LMOD3: variants seen among roughly 807,000 people sequenced by gnomAD.
LMOD3 encodes the protein leiomodin 3, also known as leiomodin-3.
A neutral mutation model predicts 41.8 loss-of-function variants in LMOD3; 31 were observed. The ratio of observed to expected loss-of-function variants is 0.74; its 90% CI spans 0.56 to 1.00. LMOD3 has a LOEUF of 1.00. Ranked by LOEUF, LMOD3 falls within the 50% of genes least tolerant of loss-of-function variation. The pLI is 0.00. For synonymous variants in LMOD3, 292 were observed against 241.9 expected, an observed-to-expected ratio of 1.21 and a Z score of -1.92; for missense variants, 755 against 679.5, an observed-to-expected ratio of 1.11 and a Z score of -1.23.
intron 1 of LMOD3, among the ~76,000 whole-genome samples, chr3:69,121,232 C>T (rs897652412): frequency 2.0e-5 from 3 of 152,222 alleles, no homozygotes; most frequent in African/African-American, 7.2e-5. Context: ...TGAACTCTAA[C>T]CTGATCAATC....
chr3:69,115,608 T>C (rs2092368647), intron 2 of LMOD3, among the ~76,000 whole-genome samples: 1 of 152,150 alleles, frequency 6.6e-6, no homozygotes, highest in Non-Finnish European at 1.5e-5. Flanking sequence ...GTTTCAAAAC[T>C]GTGTTTTAAT....
Position 69,114,912 on chromosome 3 carries a change from C to CTG in LMOD3, c.1656+3785_1656+3786dup, listed in dbSNP as rs527447910. 2.9e-4 allele frequency among the ~76,000 whole-genome samples: 44 copies of CTG among 152,344 alleles called. No homozygotes were observed. The South Asian group carries it at 8.5e-3, about 29-fold the overall frequency. On this transcript the variant is annotated intron_variant, in intron 2 of 2. Coordinates refer to ENST00000420581, the MANE Select transcript of LMOD3 (RefSeq NM_198271.5). ...ACAGGGTCTCACTCTGTTGCCCAGG[C>CTG]TGTAGTGCAGTGGCACAAACATGGC...
rs1407963964 is a variant in LMOD3 at position 69,106,684 on chromosome 3, C to T, written c.*2411G>A. Among the ~76,000 whole-genome samples, 2 of 149,330 alleles carry T rather than the reference C, an allele frequency of 1.3e-5. No individual in the cohort carries two copies. Among genetic ancestry groups the T allele is most frequent in the Non-Finnish European group, 3.0e-5 (2 of 67,648 alleles). ...GGCTATACAAACAAATGCATAGGGG[C>T]TTTCTAGAATTTTTTTTTTTTTTTT... On this transcript the variant is annotated 3_prime_UTR_variant, in exon 3 of 3. Coordinates refer to ENST00000420581, the MANE Select transcript of LMOD3 (RefSeq NM_198271.5).
chr3:69,107,453 G>GTTTGTTTTTTTTTT lies in LMOD3; in HGVS notation c.*1641_*1642insAAAAAAAAAACAAA, dbSNP rs2092327737. On this transcript the variant is annotated 3_prime_UTR_variant, in exon 3 of 3. Transcript: ENST00000420581. Reference sequence around the variant, plus strand: ...AAAGAAGAGAGAAAAGGCACCAAAGGTTTTTTTTTTTTTTTTTTTTTTTTT... The same window carrying GTTTGTTTTTTTTTT: ...AAAGAAGAGAGAAAAGGCACCAAAGGTTTGTTTTTTTTTTTTTTTTTTTTTTTTTTTTTTTTTTT... 1 of 37,356 alleles carries GTTTGTTTTTTTTTT rather than the reference G, an allele frequency of 2.7e-5. No homozygotes were observed. The highest frequency in any genetic ancestry group is 5.6e-5 in the Non-Finnish European group (1 of 17,720). 2.3% of individuals were successfully genotyped at this position (37,356 alleles called of 1,614,324 possible). A position where few individuals can be genotyped will look rare whatever the true frequency, so the allele number is the denominator to read the frequency against.
intron 2 of LMOD3, among the ~76,000 whole-genome samples, chr3:69,115,934 G>A (rs562188821): frequency 6.6e-6 from 1 of 152,212 alleles, no homozygotes; most frequent in East Asian, 1.9e-4. Context: ...CCTCCATTGA[G>A]TCATGTGCCC....
At position 69,118,872 on chromosome 3, in the gene LMOD3, G is replaced by A. The variant is rs749726841; in HGVS notation, c.1483C>T (p.Arg495Cys). Residue 495 changes from arginine (R) to cysteine (C), a missense_variant, in exon 2 of 3, where the codon CGC becomes TGC. Coordinates refer to ENST00000420581, the MANE Select transcript of LMOD3 (RefSeq NM_198271.5). ...CTGGCTTCCGGCATCCGAGATTTGCGCTGGATTCTCTTCAGCTTCACCACC... is the reference window on the plus strand; with the variant it reads ...CTGGCTTCCGGCATCCGAGATTTGCACTGGATTCTCTTCAGCTTCACCACC... ...FRVVKLKRIQ[R>C]KSRMPEAREP... The A allele has an allele frequency of 6.2e-6, 10 of 1,610,788 alleles. No homozygotes were observed. The highest frequency in any genetic ancestry group is 1.6e-4 in the Middle Eastern group (1 of 6,078).
In LMOD3 at chr3:69,108,141, G is replaced by A. The variant is rs1337252723; in HGVS notation, c.*954C>T. The A allele has an allele frequency of 7.1e-6, 1 of 141,810 alleles. No individual in the cohort carries two copies. The highest frequency in any genetic ancestry group is 2.7e-5 in the African/African-American group (1 of 36,964). The allele number at this position is 141,810 out of a possible 1,614,324, so 8.8% of individuals were successfully genotyped here. ...TGGAGTGCCTTAAAGAATAGGATAA[G>A]TAGTTCAAGTTTAATCCTTCCTGTA... On this transcript the variant is annotated 3_prime_UTR_variant, in exon 3 of 3. Coordinates refer to ENST00000420581, the MANE Select transcript of LMOD3 (RefSeq NM_198271.5).
chr3:69,107,502 A>G lies in LMOD3; in HGVS notation c.*1593T>C. 1.8e-5 allele frequency: 1 copy of G among 55,352 alleles called. No individual in the cohort carries two copies. Among genetic ancestry groups the G allele is most frequent in the South Asian group, 6.5e-4 (1 of 1,542 alleles). The allele number at this position is 55,352 out of a possible 1,614,324, so 3.4% of individuals were successfully genotyped here. On this transcript the variant is annotated 3_prime_UTR_variant, in exon 3 of 3. Coordinates refer to ENST00000420581, the MANE Select transcript of LMOD3 (RefSeq NM_198271.5). ...TTTTTTTTTTTTTTTTTTGAGATGG[A>G]GTATCACTCTGTCACCCAGGCTGGA...
intron 2 of LMOD3, among the ~76,000 whole-genome samples, chr3:69,110,853 A>AAAAAAAAAAAAAATATAT (rs1458630453): frequency 9.6e-6 from 1 of 104,168 alleles, no homozygotes; most frequent in African/African-American, 4.8e-5. Context: ...AAAAAAAAAA[A>AAAAAAAAAAAAAATATAT]ATATATATAT....
At chr3:69,114,205 T>C (rs150450587) in intron 2 of LMOD3, among the ~76,000 whole-genome samples, 465 of 152,288 alleles carry the variant, frequency 3.1e-3, no homozygotes, top group African/African-American at 0.011. Context: ...AGATCTGATG[T>C]TCCAAGTGGT....
chr3:69,115,049 G>C (rs760003592), intron 2 of LMOD3, among the ~76,000 whole-genome samples: 1 of 152,036 alleles, frequency 6.6e-6, no homozygotes, highest in Non-Finnish European at 1.5e-5. Flanking sequence ...AAAATGTTTT[G>C]TAGAAACAGG....
chr3:69,113,940 G>C (rs1449197611), intron 2 of LMOD3, among the ~76,000 whole-genome samples: 1 of 152,122 alleles, frequency 6.6e-6, no homozygotes, highest in African/African-American at 2.4e-5. Flanking sequence ...TTAACTCATA[G>C]GGAAATGATT....
rs1281878825 is a variant in LMOD3 at position 69,119,253 on chromosome 3, T to G, written c.1102A>C (p.Asn368His). The G allele has an allele frequency of 6.2e-7, 1 of 1,613,836 alleles. No individual in the cohort carries two copies. Among genetic ancestry groups the G allele is most frequent in the Non-Finnish European group, 8.5e-7 (1 of 1,179,898 alleles). ...MEIARLLKAN[N>H]TLLKMGYHFE... ...TGGTAGCCCATCTTCAGGAGAGTGT[T>G]GTTTGCCTTCAAAAGCCTGGCTATT... Residue 368 changes from asparagine to histidine, a missense_variant, in exon 2 of 3, where the codon AAC (asparagine) becomes CAC (histidine). Physicochemically the swap from Asn to His is moderately conservative, Grantham distance 68. Coordinates refer to ENST00000420581, the MANE Select transcript of LMOD3 (RefSeq NM_198271.5).
chr3:69,118,223 A>T (rs1314782203), intron 2 of LMOD3, among the ~76,000 whole-genome samples: 1 of 152,086 alleles, frequency 6.6e-6, no homozygotes, highest in African/African-American at 2.4e-5. Flanking sequence ...TTGAATATGC[A>T]CTTGAAGAGG....
intron 2 of LMOD3, among the ~76,000 whole-genome samples, chr3:69,110,851 A>ATATATATATAT (rs1229866841): frequency 1.7e-5 from 2 of 120,828 alleles, no homozygotes; most frequent in African/African-American, 8.0e-5. Flanking sequence ...AAAAAAAAAA[A>ATATATATATAT]AAATATATAT....
chr3:69,113,296 G>T (rs1310380356), intron 2 of LMOD3, among the ~76,000 whole-genome samples: 1 of 152,160 alleles, frequency 6.6e-6, no homozygotes, highest in African/African-American at 2.4e-5. Context: ...AACCCTGAGT[G>T]ATCTAAAGGG....
chr3:69,114,323 C>T (rs746924571), intron 2 of LMOD3, among the ~76,000 whole-genome samples: 22 of 152,192 alleles, frequency 1.4e-4, no homozygotes, highest in Non-Finnish European at 2.8e-4. Flanking sequence ...GATCTGACCT[C>T]ATGCTTTACC....
rs2092393808 is a variant in LMOD3, at chr3:69,119,245, G to T, written c.1110C>A (p.Leu370=). The T allele has an allele frequency of 6.2e-7, 1 of 1,613,828 alleles. No individual in the cohort carries two copies. Among genetic ancestry groups the T allele is most frequent in the African/African-American group, 1.3e-5 (1 of 74,912 alleles). Residue 370 remains leucine, a synonymous_variant, in exon 2 of 3, where the codon CTC becomes CTA. Coordinates refer to ENST00000420581, the MANE Select transcript of LMOD3 (RefSeq NM_198271.5). ...IARLLKANNT[L]LKMGYHFELP... The stretch of plus-strand genomic sequence containing the variant: ...GCTCAAAATGGTAGCCCATCTTCAG[G>T]AGAGTGTTGTTTGCCTTCAAAAGCC...
chr3:69,110,853 A>AAAAAAAAAAAAAAAAAAAAATTATAT (rs1458630453), intron 2 of LMOD3, among the ~76,000 whole-genome samples: 10 of 104,114 alleles, frequency 9.6e-5, no homozygotes, highest in Non-Finnish European at 1.6e-4. Flanking sequence ...AAAAAAAAAA[A>AAAAAAAAAAAAAAAAAAAAATTATAT]ATATATATAT....
Sources: allele counts gnomAD v4.1 joint callset (sites outside exome capture counted in the v4.1 genomes callset), GRCh38; gene constraint gnomAD v4.1.1; transcripts MANE v1.5; gene names NCBI Gene and HGNC (gene_info 2026-07-23, HGNC 2026-07-21).